Variants in RALGDS observed in about 807,000 individuals in gnomAD.
RALGDS encodes the protein ral guanine nucleotide dissociation stimulator.
In RALGDS, 44 loss-of-function variants were observed where a neutral mutation model predicts 99.8. That is an observed-to-expected ratio of 0.44 (90% CI 0.35 to 0.57). The LOEUF is 0.57. Ranked by LOEUF, RALGDS falls within the 20% of genes least tolerant of loss-of-function variation. The pLI, the probability that RALGDS is intolerant of heterozygous loss-of-function variation, is 0.01. For missense variants in RALGDS, 1,022 were observed against 1,203.1 expected (o/e 0.85, Z 2.23); for synonymous variants, 529 against 505.0 (o/e 1.05, Z -0.64).
rs747213069 is a variant in RALGDS at position 133,110,534 on chromosome 9, G to T, written c.295-45C>A. 20 of 1,529,274 alleles carry T rather than the reference G, an allele frequency of 1.3e-5. No individual in the cohort carries two copies. In the South Asian group the frequency reaches 1.5e-4, roughly 11 times the overall value. The allele number at this position is 1,529,274 out of a possible 1,614,324, so 94.7% of individuals were successfully genotyped here. On this transcript the variant is annotated intron_variant, in intron 2 of 17. Coordinates refer to ENST00000372050, the MANE Select transcript of RALGDS (RefSeq NM_006266.4). ...GGACAGACAGTCAGTGGCAGCACAC[G>T]AATCTCCTGGAGCTCAGATGGAACC...
intron 16 of RALGDS, chr9:133,101,001 G>A: frequency 3.8e-6 from 4 of 1,057,764 alleles, no homozygotes; most frequent in Non-Finnish European, 4.6e-6. Flanking sequence ...ACACCTGGAG[G>A]ATGAAGAAAG....
At chr9:133,103,903 T>G (rs1386223251) in intron 10 of RALGDS, 70 bp from the exon 11 acceptor site, 4 of 1,456,632 alleles carry the variant, frequency 2.7e-6, no homozygotes, top group Non-Finnish European at 2.9e-6. Flanking sequence ...CAGCCCCAAC[T>G]GGTCTCACTT....
chr9:133,131,566 C>G (rs1254930514), upstream of RALGDS, among the ~76,000 whole-genome samples: 1 of 152,096 alleles, frequency 6.6e-6, no homozygotes, highest in African/African-American at 2.4e-5. Flanking sequence ...TCCAACACCC[C>G]TGTCTTAATG....
chr9:133,132,948 A>G (rs1832367358), upstream of RALGDS, among the ~76,000 whole-genome samples: 1 of 152,096 alleles, frequency 6.6e-6, no homozygotes, highest in South Asian at 2.1e-4. Context: ...GAAGCGCTCA[A>G]CTTTCATAGT....
Position 133,107,991 on chromosome 9 carries a change from A to C in RALGDS, c.1194T>G (p.Asp398Glu). ...DLVAEQFTLM[D>E]AELFKKVVPY... ...CCTGCCAAGCTGAGCTGCTCACCGC[A>C]TCCATCAGTGTAAACTGCTCTGCCA... Residue 398 changes from aspartate (D) to glutamate (E), a missense_variant, in exon 6 of 18, where the codon GAT (aspartate) becomes GAG (glutamate). Asp to Glu is a conservative substitution (Grantham distance 45). Coordinates refer to ENST00000372050, the MANE Select transcript of RALGDS (RefSeq NM_006266.4). 1 of 1,613,154 alleles carries C rather than the reference A, an allele frequency of 6.2e-7. No homozygotes were observed. Among genetic ancestry groups the C allele is most frequent in the Non-Finnish European group, 8.5e-7 (1 of 1,180,040 alleles).
chr9:133,102,511 G>A lies in RALGDS; in HGVS notation c.1974C>T (p.Thr658=), dbSNP rs117237013. The A allele has an allele frequency of 2.2e-5, 35 of 1,613,988 alleles. No homozygotes were observed. The highest frequency in any genetic ancestry group is 1.6e-4 in the Middle Eastern group (1 of 6,084). The change falls in exon 14 of 18, where the codon ACC becomes ACT. Residue 658 remains threonine (T), a synonymous_variant. Coordinates refer to ENST00000372050, the MANE Select transcript of RALGDS (RefSeq NM_006266.4). ...GCTTGACAATGGCTGTGTTCTTCTT[G>A]GTCCTGAGGGTGTTGCTGGCTGACT... is the stretch of plus-strand genomic sequence containing the variant. ...PSESASNTLR[T]KKNTAIVKRW...
chr9:133,120,773 G>T (rs964651546), intron 1 of RALGDS, among the ~76,000 whole-genome samples, 199 bp downstream of exon 1: 1 of 152,038 alleles, frequency 6.6e-6, no homozygotes, highest in Non-Finnish European at 1.5e-5. Context: ...GTTGGACGGG[G>T]CGCGGCGGCA....
intron 1 of RALGDS, chr9:133,129,362 C>T (rs1017218959): frequency 6.6e-7 from 1 of 1,519,698 alleles, no homozygotes; most frequent in Non-Finnish European, 8.8e-7. Context: ...GCGGGAGGCC[C>T]TCTGCCAGTG....
intron 9 of RALGDS, 33 bp from the exon 10 acceptor site, chr9:133,104,364 C>G (rs598499): frequency 0.72 from 1,134,320 of 1,578,174 alleles, 410,018 homozygotes; most frequent in East Asian, 0.86. Context: ...CAGCAAGGCC[C>G]TATCCCCTCA....
At chr9:133,145,321 G>A (rs118174886) in intron 1 of RALGDS, among the ~76,000 whole-genome samples, 3 of 151,996 alleles carry the variant, frequency 2.0e-5, no homozygotes, top group East Asian at 1.9e-4. Context: ...CTGTGCCCAC[G>A]CACTCCCCAG....
At chr9:133,112,498 G>A (rs1831397702) in intron 1 of RALGDS, among the ~76,000 whole-genome samples, 1 of 152,192 alleles carries the variant, frequency 6.6e-6, no homozygotes, top group Admixed American at 6.5e-5. Flanking sequence ...TGGGTAAATG[G>A]AGGCTGAGAG....
At chr9:133,101,347 C>A in intron 16 of RALGDS, 173 bp downstream of exon 16, 1 of 1,502,614 alleles carries the variant, frequency 6.7e-7, no homozygotes, top group East Asian at 2.3e-5. Context: ...CCCCTCTGCC[C>A]TCAGGCCAGC....
chr9:133,136,503 C>T (rs940262487), intron 1 of RALGDS, among the ~76,000 whole-genome samples: 5 of 152,220 alleles, frequency 3.3e-5, no homozygotes, highest in Middle Eastern at 3.4e-3. Flanking sequence ...AGCTCGGGTG[C>T]GGTGGCTCAC....
intron 8 of RALGDS, 30 bp downstream of exon 8, chr9:133,106,615 C>T: frequency 6.6e-7 from 1 of 1,522,644 alleles, no homozygotes; most frequent in Non-Finnish European, 9.0e-7. Context: ...GTCCCTGGTG[C>T]ACCAGGAGCT....
In RALGDS at chr9:133,098,777, C is replaced by CA; in HGVS notation, c.2570-16dup. The CA allele has an allele frequency of 1.2e-6, 2 of 1,613,604 alleles. No individual in the cohort carries two copies. The highest frequency in any genetic ancestry group is 8.5e-7 in the Non-Finnish European group (1 of 1,179,780). On this transcript the variant is annotated splice_polypyrimidine_tract_variant and intron_variant, in intron 17 of 17. Coordinates refer to ENST00000372050, the MANE Select transcript of RALGDS (RefSeq NM_006266.4). ...GATCTTCAGCTCTGGTGGGGAGGGG[C>CA]AGAGGGGTGATCAGGGATGCTCCTG...
intron 1 of RALGDS, among the ~76,000 whole-genome samples, chr9:133,128,226 G>T (rs1564250009): frequency 6.6e-6 from 1 of 152,080 alleles, no homozygotes; most frequent in African/African-American, 2.4e-5. Context: ...GACATAGAGG[G>T]AAACTGAACC....
intron 1 of RALGDS, among the ~76,000 whole-genome samples, chr9:133,114,262 C>T (rs541836231): frequency 4.6e-4 from 70 of 152,304 alleles, no homozygotes; most frequent in Middle Eastern, 3.4e-3. Flanking sequence ...CTCTAGCCCG[C>T]GTGGAGCTGG....
chr9:133,099,457 A>G (rs1202818003), intron 17 of RALGDS: 1 of 151,452 alleles, frequency 6.6e-6, no homozygotes, highest in Non-Finnish European at 1.5e-5. Context: ...CACAGGAGTC[A>G]TTGCTTACTG....
chr9:133,119,279 G>A (rs1462541933), intron 1 of RALGDS, among the ~76,000 whole-genome samples: 1 of 152,212 alleles, frequency 6.6e-6, no homozygotes, highest in African/African-American at 2.4e-5. Context: ...AGGACGGGGG[G>A]TGTTGGCAGG....
Sources: allele counts gnomAD v4.1 joint callset (sites outside exome capture counted in the v4.1 genomes callset), GRCh38; gene constraint gnomAD v4.1.1; transcripts MANE v1.5; gene names NCBI Gene and HGNC (gene_info 2026-07-23, HGNC 2026-07-21).